FGF13: variants seen among roughly 807,000 people sequenced by gnomAD.
FGF13 encodes the protein fibroblast growth factor homologous factor 2.
In FGF13, 2 loss-of-function variants were observed where a neutral mutation model predicts 19.5. That is an observed-to-expected ratio of 0.10 (90% confidence interval 0.04 to 0.32). The LOEUF is 0.32. FGF13 is among the 10% of genes least tolerant of loss of function. FGF13 has a pLI of 1.00. For synonymous variants in FGF13, 72 were observed against 76.9 expected (o/e 0.94, Z 0.33); for missense variants, 113 against 192.7 (o/e 0.59, Z 2.45).
chrX:139,004,098 T>G (rs1050782764), intron 1 of FGF13, among the ~76,000 whole-genome samples: 8 of 112,264 alleles, frequency 7.1e-5, no homozygotes, highest in African/African-American at 1.6e-4. Flanking sequence ...CGGGGAGGCT[T>G]GGGCAGCACA....
intron 1 of FGF13, among the ~76,000 whole-genome samples, chrX:138,718,482 GTTA>G (rs1364854497): frequency 8.9e-6 from 1 of 111,981 alleles, no homozygotes; most frequent in African/African-American, 3.2e-5. Flanking sequence ...TCTAGTGTCT[GTTA>G]TTATTTAGCA....
intron 1 of FGF13, among the ~76,000 whole-genome samples, chrX:139,155,953 A>G (rs189568180): frequency 1.1e-4 from 12 of 112,199 alleles, no homozygotes; most frequent in African/African-American, 3.6e-4. Context: ...CTGCTAGGCC[A>G]GGGATATGCA....
intron 1 of FGF13, among the ~76,000 whole-genome samples, chrX:138,892,000 A>ATGTGTGTGTGTGTG (rs200883636): frequency 0.022 from 1,046 of 46,919 alleles, 21 homozygotes; most frequent in African/African-American, 0.072. Flanking sequence ...CTATATATAC[A>ATGTGTGTGTGTGTG]TATGTGTGTG....
intron 3 of FGF13, among the ~76,000 whole-genome samples, chrX:138,665,626 G>A (rs2089534990): frequency 9.0e-6 from 1 of 111,409 alleles, no homozygotes; most frequent in South Asian, 3.8e-4. Context: ...CATTTCATTC[G>A]TATTTATGAA....
At chrX:139,147,026 G>A (rs2083895939) in intron 1 of FGF13, among the ~76,000 whole-genome samples, 1 of 109,419 alleles carries the variant, frequency 9.1e-6, no homozygotes, top group African/African-American at 3.3e-5. Context: ...TAAATGACAA[G>A]TTAATGGGTA....
chrX:138,675,674 C>T (rs1410098145), intron 3 of FGF13, among the ~76,000 whole-genome samples: 1 of 110,890 alleles, frequency 9.0e-6, no homozygotes, highest in Non-Finnish European at 1.9e-5. Context: ...CACATTGATG[C>T]AATTCTGATA....
At chrX:138,708,102 G>A (rs752736418) in intron 2 of FGF13, among the ~76,000 whole-genome samples, 13 of 112,319 alleles carry the variant, frequency 1.2e-4, no homozygotes, top group Admixed American at 3.8e-4. Flanking sequence ...AATCATCATT[G>A]AGGAGAAGCC....
intron 3 of FGF13, among the ~76,000 whole-genome samples, chrX:138,782,070 T>G (rs1244340209): frequency 2.0e-4 from 22 of 111,739 alleles, no homozygotes; most frequent in Non-Finnish European, 3.9e-4. Context: ...CATGATTATC[T>G]CAATAGATGC....
chrX:138,959,333 G>T (rs1055507171), intron 1 of FGF13, among the ~76,000 whole-genome samples: 3 of 111,902 alleles, frequency 2.7e-5, no homozygotes, highest in African/African-American at 9.7e-5. Flanking sequence ...GTGCGGTTTT[G>T]AGTGAGTTTC....
chrX:138,715,601 T>C (rs751462425), upstream of FGF13, among the ~76,000 whole-genome samples: 9 of 112,334 alleles, frequency 8.0e-5, no homozygotes, highest in South Asian at 1.9e-3. Context: ...CCAGATGACA[T>C]GTTCCTTAAA....
At chrX:138,862,057 T>C (rs2091291193) in intron 2 of FGF13, among the ~76,000 whole-genome samples, 1 of 111,706 alleles carries the variant, frequency 9.0e-6, no homozygotes, top group Non-Finnish European at 1.9e-5. Flanking sequence ...CATCAATATA[T>C]TAGATAGCTA....
At chrX:138,752,155 G>A (rs1158508279) in intron 3 of FGF13, among the ~76,000 whole-genome samples, 1 of 111,863 alleles carries the variant, frequency 8.9e-6, no homozygotes, top group Admixed American at 9.5e-5. Context: ...GGCCAGGCGC[G>A]GTGACTCACA....
At chrX:138,686,260 G>C (rs756725319) in intron 3 of FGF13, among the ~76,000 whole-genome samples, 1 of 111,537 alleles carries the variant, frequency 9.0e-6, no homozygotes, top group Non-Finnish European at 1.9e-5. Context: ...TATAATGTAT[G>C]AAAGAGTCAT....
intron 1 of FGF13, among the ~76,000 whole-genome samples, chrX:138,958,484 C>A (rs1383609586): frequency 9.1e-6 from 1 of 109,909 alleles, no homozygotes; most frequent in Non-Finnish European, 1.9e-5. Flanking sequence ...GGTTTAAATT[C>A]TCTTTGTTGT....
At position 138,978,266 on chromosome X, in the gene FGF13, G is replaced by GTTTTTTTTTTTTTTTTT. The variant is rs10666140; in HGVS notation, c.-112-113617_-112-113616insAAAAAAAAAAAAAAAAA. ...TAATCTCTATGGGCTAGCTGCCCTG[G>GTTTTTTTTTTTTTTTTT]TTTTTTTTTTTTTTGAGATGGAGTC... On this transcript the variant is annotated intron_variant, in intron 1 of 2. Coordinates refer to the FGF13 transcript ENST00000421460. Among the ~76,000 whole-genome samples the GTTTTTTTTTTTTTTTTT allele has an allele frequency of 3.0e-4, 25 of 82,887 alleles. 2 individuals carry two copies. Among genetic ancestry groups the GTTTTTTTTTTTTTTTTT allele is most frequent in the African/African-American group, 1.1e-3 (23 of 20,398 alleles). The allele number at this position is 82,887 out of a possible 115,157, so 72.0% of individuals were successfully genotyped here.
chrX:138,811,414 G>A (rs982287532), intron 3 of FGF13, among the ~76,000 whole-genome samples: 1 of 110,136 alleles, frequency 9.1e-6, no homozygotes, highest in Non-Finnish European at 1.9e-5. Flanking sequence ...TCGGACACAG[G>A]AAGGGGAACA....
chrX:139,169,075 C>T (rs1277069535), intron 1 of FGF13, among the ~76,000 whole-genome samples: 3 of 111,929 alleles, frequency 2.7e-5, no homozygotes, highest in Non-Finnish European at 5.6e-5. Context: ...CTTTAATCTT[C>T]ATAAAAGCCC....
intron 3 of FGF13, among the ~76,000 whole-genome samples, chrX:138,821,127 G>A (rs768102506): frequency 4.5e-5 from 5 of 111,449 alleles, no homozygotes; most frequent in African/African-American, 1.6e-4. Context: ...AGACAAAGAG[G>A]CTAGATAGGA....
intron 1 of FGF13, among the ~76,000 whole-genome samples, chrX:139,110,929 A>G (rs988809524): frequency 6.3e-5 from 7 of 111,489 alleles, no homozygotes; most frequent in African/African-American, 2.3e-4. Flanking sequence ...CTGCACGTAA[A>G]AGCAGCTGCA....
Sources: gnomAD v4.1 joint callset for allele counts (sites outside exome capture counted in the v4.1 genomes callset) on GRCh38, gnomAD v4.1.1 for gene constraint, MANE v1.5 for transcripts, NCBI Gene and HGNC (gene_info 2026-07-23, HGNC 2026-07-21) for gene names.